The following RNF207 variants were observed in gnomAD, a reference collection of about 807,000 sequenced individuals.
RNF207 encodes ring finger protein 207.
In RNF207, 72 loss-of-function variants were observed where a neutral mutation model predicts 79.0. That is an observed-to-expected ratio of 0.91 (90% CI 0.75 to 1.11). RNF207 has a LOEUF of 1.11. Ranked by LOEUF, RNF207 falls within the 50% of genes least tolerant of loss-of-function variation. The probability of loss-of-function intolerance (pLI) is 0.00; values close to 1 mark genes in which losing one functional copy is unlikely to be tolerated. For synonymous variants in RNF207, 348 were observed against 366.2 expected (o/e 0.95, Z 0.57); for missense variants, 936 against 855.8 (o/e 1.09, Z -1.17).
At chr1:6,210,679 C>T in intron 10 of RNF207, 191 bp from the exon 11 acceptor site, 1 of 658,080 alleles carries the variant, frequency 1.5e-6, no homozygotes, top group African/African-American at 1.8e-5. Flanking sequence ...CACTGGAGTC[C>T]AGCCGCCCCC....
chr1:6,213,468 TAAAA>T (rs547886824), intron 16 of RNF207, among the ~76,000 whole-genome samples: 27 of 119,234 alleles, frequency 2.3e-4, no homozygotes, highest in Admixed American at 1.1e-3. Flanking sequence ...GACCTTGTCT[TAAAA>T]AAAAAAAAAA....
Position 6,210,929 on chromosome 1 carries a change from G to T in RNF207, c.1002G>T (p.Gln334His). 1.2e-6 allele frequency: 2 copies of T among 1,606,208 alleles called. No homozygotes were observed. Among genetic ancestry groups the T allele is most frequent in the Non-Finnish European group, 8.5e-7 (1 of 1,177,134 alleles). Residue 334 changes from glutamine (Q) to histidine (H), a missense_variant, in exon 11 of 18, where the codon CAG becomes CAT. Coordinates refer to ENST00000377939, the MANE Select transcript of RNF207 (RefSeq NM_207396.3). ...VTRPHHLRPIQSSKIASDHRA... is the reference protein window; with the variant it reads ...VTRPHHLRPIHSSKIASDHRA... ...GGCCGCACCACCTAAGGCCTATTCA[G>T]AGCAGCAAGGTGTGCAGTGGCCTGG...
chr1:6,212,464 C>T (rs758399416), intron 14 of RNF207, 48 bp downstream of exon 14: 1 of 1,525,542 alleles, frequency 6.6e-7, no homozygotes, highest in South Asian at 1.2e-5. Flanking sequence ...TCAGGGGATA[C>T]CTGGGCTACC....
At chr1:6,212,619 A>G (rs1364157922) in intron 14 of RNF207, 63 bp from the exon 15 acceptor site, 4 of 1,439,180 alleles carry the variant, frequency 2.8e-6, no homozygotes, top group Non-Finnish European at 3.9e-6. Flanking sequence ...AGCTAGAGAT[A>G]GCAATGCCGC....
At chr1:6,210,968 G>C (rs904072890) in intron 11 of RNF207, 30 bp downstream of exon 11, 2 of 1,597,526 alleles carry the variant, frequency 1.3e-6, no homozygotes, top group East Asian at 2.3e-5. Context: ...GGCCAGGGTC[G>C]GGGGCCCTGC....
chr1:6,216,955 G>A (rs1350332760), intron 16 of RNF207, among the ~76,000 whole-genome samples: 3 of 151,332 alleles, frequency 2.0e-5, no homozygotes, highest in South Asian at 2.1e-4. Flanking sequence ...CTGCAGCCGC[G>A]ATCTCCCAGG....
rs746281223 is a variant in RNF207 at position 6,210,896 on chromosome 1, C to T, written c.969C>T (p.Ile323=). ...AGCTGATGGAGAGGCTGCAGGGCATCGTCACGCGGCCGCACCACCTAAGGC... is the reference window on the plus strand; with the variant it reads ...AGCTGATGGAGAGGCTGCAGGGCATTGTCACGCGGCCGCACCACCTAAGGC... ...GYELMERLQG[I]VTRPHHLRPI... Residue 323 remains isoleucine, a synonymous_variant, in exon 11 of 18, where the codon ATC becomes ATT. Coordinates refer to ENST00000377939, the MANE Select transcript of RNF207 (RefSeq NM_207396.3). 8.7e-6 allele frequency: 14 copies of T among 1,604,676 alleles called. No homozygotes were observed. Among genetic ancestry groups the T allele is most frequent in the African/African-American group, 8.0e-5 (6 of 74,866 alleles).
intron 10 of RNF207, 78 bp downstream of exon 10, chr1:6,210,516 G>C: frequency 8.5e-7 from 1 of 1,180,918 alleles, no homozygotes; most frequent in South Asian, 1.3e-5. Context: ...CAACTCAGGG[G>C]TGGGCAGCCT....
intron 14 of RNF207, 116 bp downstream of exon 14, chr1:6,212,532 G>T (rs909263433): frequency 1.6e-6 from 2 of 1,261,196 alleles, no homozygotes; most frequent in Non-Finnish European, 2.3e-6. Flanking sequence ...CCCTCATGTG[G>T]CAGGGTCTGG....
rs1668521607 is a variant in RNF207 at position 6,220,759 on chromosome 1, C to G, written c.*1352C>G. 6.6e-6 allele frequency: 1 copy of G among 152,164 alleles called. No individual in the cohort carries two copies. Among genetic ancestry groups the G allele is most frequent in the African/African-American group, 2.4e-5 (1 of 41,436 alleles). The allele number at this position is 152,164 out of a possible 1,614,324, so 9.4% of individuals were successfully genotyped here. On this transcript the variant is annotated 3_prime_UTR_variant, in exon 18 of 18. Transcript: ENST00000377939. ...CAGTTTTCCATTTCTCCACAGTATC[C>G]TTTTCATTTAGAGGAGCTTAATAAA...
rs966457998 is a variant in RNF207 at position 6,209,021 on chromosome 1, G to A, written c.465G>A (p.Lys155=). ...LGQRSRDVPQ[K]CTLHAEPYLL... ...AGCGAAGCCGCGACGTGCCCCAGAA[G>A]TGCAGTGAGTGAGGCTTGCGGGGCC... The change falls in exon 4 of 18, where the codon AAG becomes AAA. Residue 155 remains lysine, a synonymous_variant. Coordinates refer to ENST00000377939, the MANE Select transcript of RNF207 (RefSeq NM_207396.3). 9 of 1,538,998 alleles carry A rather than the reference G, an allele frequency of 5.8e-6. No individual in the cohort carries two copies. The Admixed American group carries it at 1.6e-4, about 27-fold the overall frequency.
Position 6,211,303 on chromosome 1 carries a change from T to C in RNF207, c.1109+185T>C, listed in dbSNP as rs1668159236. Among the ~76,000 whole-genome samples the C allele has an allele frequency of 6.6e-6, 1 of 151,788 alleles. No individual in the cohort carries two copies. Among genetic ancestry groups the C allele is most frequent in the Admixed American group, 6.6e-5 (1 of 15,234 alleles). Reference sequence around the variant, plus strand: ...GGATGGCCAGGGCGAGTCCACTAAGTAGGGGAACAGGAAGCCCTGGACCTG... The same window carrying C: ...GGATGGCCAGGGCGAGTCCACTAAGCAGGGGAACAGGAAGCCCTGGACCTG... On this transcript the variant is annotated intron_variant, in intron 12 of 17. Transcript: ENST00000377939. This position sits in a 1 kb window ranked among gnomAD's most constrained non-coding sequence, Gnocchi z 4.2.
At chr1:6,213,608 G>T (rs1668260490) in intron 16 of RNF207, among the ~76,000 whole-genome samples, 1 of 152,184 alleles carries the variant, frequency 6.6e-6, no homozygotes, top group Admixed American at 6.5e-5. Flanking sequence ...CAAAAGCATG[G>T]TCACAGTGAG....
chr1:6,212,899 G>A, intron 15 of RNF207, 166 bp downstream of exon 15: 1 of 772,066 alleles, frequency 1.3e-6, no homozygotes, highest in South Asian at 1.6e-5. Flanking sequence ...AATGATGCAT[G>A]TGAGGTCAGG....
At position 6,209,160 on chromosome 1, in the gene RNF207, TG is replaced by T; in HGVS notation, c.516del (p.Leu172PhefsTer40). On this transcript the variant is annotated frameshift_variant, in exon 5 of 18. Coordinates refer to ENST00000377939, the MANE Select transcript of RNF207 (RefSeq NM_207396.3). LOFTEE classifies it high-confidence loss of function. ...CTCTTGTTCTCCACCGACAAGAAGT[TG>T]CTGTTGTGCATCCGCTGCTTCCGCG... ...PYLLFSTDKKLLLCIRCFRDM... is the reference protein window; with the variant it reads ...PYLLFSTDKKXLLCIRCFRDM... The T allele has an allele frequency of 6.4e-7, 1 of 1,557,536 alleles. No homozygotes were observed. Among genetic ancestry groups the T allele is most frequent in the Non-Finnish European group, 8.7e-7 (1 of 1,150,188 alleles).
rs1478662642 is a variant in RNF207 at position 6,207,244 on chromosome 1, T to C, written c.192-135T>C. The C allele has an allele frequency of 2.3e-6, 2 of 863,528 alleles. No individual in the cohort carries two copies. The highest frequency in any genetic ancestry group is 3.4e-6 in the Non-Finnish European group (2 of 586,708). 53.5% of individuals were successfully genotyped at this position (863,528 alleles called of 1,614,324 possible). A position where few individuals can be genotyped will look rare whatever the true frequency, so the allele number is the denominator to read the frequency against. ...GGGTGAGTGCTGGCTGTGATATTTATAGCAGACCCCAGAGCTGTGGTGCAC... is the reference window on the plus strand; with the variant it reads ...GGGTGAGTGCTGGCTGTGATATTTACAGCAGACCCCAGAGCTGTGGTGCAC... On this transcript the variant is annotated intron_variant, in intron 2 of 17. Coordinates refer to ENST00000377939, the MANE Select transcript of RNF207 (RefSeq NM_207396.3). This position sits in a 1 kb window ranked among gnomAD's most constrained non-coding sequence, Gnocchi z 4.5.
chr1:6,206,719 C>G lies in RNF207; in HGVS notation c.184C>G (p.Leu62Val), dbSNP rs373900559. 1.7e-5 allele frequency: 27 copies of G among 1,600,828 alleles called. No homozygotes were observed. The highest frequency in any genetic ancestry group is 2.1e-5 in the Non-Finnish European group (25 of 1,179,650). ...GACCGACGGCCGCCTCACCTGCCCGCTGTGCCAGTAAGTGTCCCAAAGTTC... is the reference window on the plus strand; with the variant it reads ...GACCGACGGCCGCCTCACCTGCCCGGTGTGCCAGTAAGTGTCCCAAAGTTC... ...RATDGRLTCPLCQHQTVLKGP... is the reference protein window; with the variant it reads ...RATDGRLTCPVCQHQTVLKGP... The change falls in exon 2 of 18, where the codon CTG becomes GTG. Residue 62 changes from leucine to valine, a missense_variant. Leu to Val is a conservative substitution (Grantham distance 32). Transcript: ENST00000377939.
At position 6,213,171 on chromosome 1, in the gene RNF207, G is replaced by C; in HGVS notation, c.1640G>C (p.Arg547Pro). Residue 547 changes from arginine (R) to proline (P), a missense_variant, in exon 16 of 18, where the codon CGG becomes CCG. Transcript: ENST00000377939. Reference sequence around the variant, plus strand: ...CGCTCCATTGCCAAGGTGAAGGAGCGGCTGGAGCCCAGGTGAGGCCAAGGG... The same window carrying C: ...CGCTCCATTGCCAAGGTGAAGGAGCCGCTGGAGCCCAGGTGAGGCCAAGGG... Reference protein sequence around the residue: ...YVRSIAKVKERLEPRFQAPVD... With the variant: ...YVRSIAKVKEPLEPRFQAPVD... 1.2e-6 allele frequency: 2 copies of C among 1,611,314 alleles called. No individual in the cohort carries two copies. The highest frequency in any genetic ancestry group is 8.5e-7 in the Non-Finnish European group (1 of 1,178,250).
chr1:6,209,577 G>T (rs1316060486), intron 7 of RNF207, 38 bp downstream of exon 7: 34 of 1,431,966 alleles, frequency 2.4e-5, no homozygotes, highest in African/African-American at 5.9e-5. Flanking sequence ...GACCCAGCCG[G>T]GACCTGGTGA....
Sources: gnomAD v4.1 joint callset for allele counts (sites outside exome capture counted in the v4.1 genomes callset) on GRCh38, gnomAD v4.1.1 for gene constraint, Gnocchi (gnomAD v3.1) non-coding constraint, MANE v1.5 for transcripts, NCBI Gene and HGNC (gene_info 2026-07-23, HGNC 2026-07-21) for gene names.